Variants in SLC6A13 observed in about 807,000 individuals in gnomAD.
SLC6A13 encodes solute carrier family 6 member 13.
A neutral mutation model predicts 72.9 loss-of-function variants in SLC6A13; 69 were observed. The ratio of observed to expected loss-of-function variants is 0.95; its 90% CI spans 0.78 to 1.16. The LOEUF is 1.16. SLC6A13 is among the 50% of genes most tolerant of loss of function. The pLI is 0.00. For missense variants in SLC6A13, 735 were observed against 760.5 expected (o/e 0.97, Z 0.39); for synonymous variants, 303 against 303.0 (o/e 1.00, Z 0.00).
chr12:262,641 A>C, intron 1 of SLC6A13, 148 bp downstream of exon 1: 1 of 974,756 alleles, frequency 1.0e-6, no homozygotes, highest in Non-Finnish European at 1.2e-6. Context: ...ATAGCACATA[A>C]TCTTTGCATT....
intron 2 of SLC6A13, chr12:258,919 C>T (rs1443312488): frequency 6.1e-6 from 6 of 985,388 alleles, no homozygotes; most frequent in Non-Finnish European, 7.2e-6. Flanking sequence ...GGGAGCCTCA[C>T]CGTGCCAGCA....
rs1220925870 is a variant in SLC6A13, at chr12:221,484, G to T, written c.1578C>A (p.Tyr526Ter). 1 of 1,613,642 alleles carries T rather than the reference G, an allele frequency of 6.2e-7. No individual in the cohort carries two copies. Among genetic ancestry groups the T allele is most frequent in the Non-Finnish European group, 8.5e-7 (1 of 1,179,760 alleles). The change falls in exon 14 of 15, where the codon TAC becomes TAA. Residue 526 changes from tyrosine to a stop codon, truncating the protein, a stop_gained. Transcript: ENST00000343164. LOFTEE classifies it high-confidence loss of function. ...TPLTYNKKYT[Y>*]PWWGDALGWL... ...AGCCCAGGGCATCGCCCCACCACGG[G>T]TACGTGTACTTCTTGTTGTAGGTCA...
intron 14 of SLC6A13, 115 bp downstream of exon 14, chr12:221,261 C>G (rs1001981189): frequency 1.8e-5 from 24 of 1,309,364 alleles, no homozygotes; most frequent in Non-Finnish European, 2.5e-5. Context: ...GACACCCAGG[C>G]TGGGCCCACT....
chr12:221,471 C>T lies in SLC6A13; in HGVS notation c.1591G>A (p.Asp531Asn). The T allele has an allele frequency of 1.9e-6, 3 of 1,613,676 alleles. No individual in the cohort carries two copies. The highest frequency in any genetic ancestry group is 1.3e-5 in the African/African-American group (1 of 75,018). The change falls in exon 14 of 15, where the codon GAT becomes AAT. Residue 531 changes from aspartate (D) to asparagine (N), a missense_variant. By Grantham distance (23) the Asp-to-Asn change is conservative. Transcript: ENST00000343164. ...NKKYTYPWWG[D>N]ALGWLLALSS... ...AGAGCCAGGAGCCAGCCCAGGGCAT[C>T]GCCCCACCACGGGTACGTGTACTTC...
rs775937316 is a variant in SLC6A13 at position 238,219 on chromosome 12, C to T, written c.479-209G>A. The T allele has an allele frequency of 2.0e-6, 3 of 1,522,426 alleles. No homozygotes were observed. The South Asian group carries it at 3.6e-5, about 18-fold the overall frequency. The allele number at this position is 1,522,426 out of a possible 1,614,324, so 94.3% of individuals were successfully genotyped here. A position where few individuals can be genotyped will look rare whatever the true frequency, so the allele number is the denominator to read the frequency against. ...TCCCGCACACTTGGACATGTGGGTACATAGATGCTTGGGTATACATTCTCC... is the reference window on the plus strand; with the variant it reads ...TCCCGCACACTTGGACATGTGGGTATATAGATGCTTGGGTATACATTCTCC... On this transcript the variant is annotated intron_variant, in intron 4 of 14. Transcript: ENST00000343164.
rs567897192 is a variant in SLC6A13, at chr12:251,160, A to C, written c.203-7347T>G. Among the ~76,000 whole-genome samples the C allele has an allele frequency of 2.1e-3, 325 of 151,168 alleles. 1 individual carries two copies. The highest frequency in any genetic ancestry group is 7.5e-3 in the African/African-American group (306 of 40,664). The stretch of plus-strand genomic sequence containing the variant: ...AACAGAGCAAGACTCTGTCTCAAAA[A>C]AAAACAAAAAAAAAAAACCTTTGAA... On this transcript the variant is annotated intron_variant, in intron 2 of 14. Transcript: ENST00000343164.
At chr12:225,291 G>A (rs1006977945) in intron 9 of SLC6A13, among the ~76,000 whole-genome samples, 1 of 152,238 alleles carries the variant, frequency 6.6e-6, no homozygotes, top group African/African-American at 2.4e-5. Context: ...CCTGCCCGCA[G>A]GTTTCCGTTG....
chr12:238,581 C>G (rs75553670), intron 4 of SLC6A13, among the ~76,000 whole-genome samples: 4,462 of 152,222 alleles, frequency 0.029, 168 homozygotes, highest in African/African-American at 0.089. Context: ...AAGTGGTGCT[C>G]TTTATTATTT....
chr12:226,748 A>G, intron 8 of SLC6A13: 1 of 426,476 alleles, frequency 2.3e-6, no homozygotes, highest in Non-Finnish European at 4.2e-6. Flanking sequence ...GGTAGTCCTA[A>G]AAGAATGCGG....
chr12:238,442 G>T, intron 4 of SLC6A13: 1 of 704,234 alleles, frequency 1.4e-6, no homozygotes, highest in Non-Finnish European at 2.2e-6. Flanking sequence ...TATGAACTGT[G>T]CAGCTGTGGG....
At chr12:258,358 T>C (rs925083036) in intron 2 of SLC6A13, among the ~76,000 whole-genome samples, 1 of 152,208 alleles carries the variant, frequency 6.6e-6, no homozygotes, top group African/African-American at 2.4e-5. Context: ...CCCCTCTGTA[T>C]TGAATGCTTT....
chr12:228,155 C>T (rs897702550), intron 7 of SLC6A13, among the ~76,000 whole-genome samples: 23 of 152,020 alleles, frequency 1.5e-4, no homozygotes, highest in Admixed American at 2.6e-4. Context: ...GAGTAATTCT[C>T]GGCTCACAAA....
Position 254,548 on chromosome 12 carries a change from T to C in SLC6A13, c.202+5303A>G, listed in dbSNP as rs558080370. Among the ~76,000 whole-genome samples, 17 of 152,328 alleles carry C rather than the reference T, an allele frequency of 1.1e-4. No individual in the cohort carries two copies. The highest frequency in any genetic ancestry group is 4.1e-4 in the African/African-American group (17 of 41,580). Reference sequence around the variant, plus strand: ...CAGTTAATTTCTCCCTCCTCCCTGATAGAATTTCTTCACTCGACTTTCCAA... The same window carrying C: ...CAGTTAATTTCTCCCTCCTCCCTGACAGAATTTCTTCACTCGACTTTCCAA... On this transcript the variant is annotated intron_variant, in intron 2 of 14. Coordinates refer to ENST00000343164, the MANE Select transcript of SLC6A13 (RefSeq NM_016615.5). This position sits in a 1 kb window ranked among gnomAD's most constrained non-coding sequence, Gnocchi z 4.4.
chr12:260,166 A>C, intron 1 of SLC6A13, 109 bp from the exon 2 acceptor site: 1 of 1,190,722 alleles, frequency 8.4e-7, no homozygotes, highest in East Asian at 2.4e-5. Flanking sequence ...GGAAGAGGTG[A>C]ATTTCTATTC....
intron 4 of SLC6A13, 115 bp from the exon 5 acceptor site, chr12:238,125 C>T (rs1812080658): frequency 6.4e-7 from 1 of 1,556,536 alleles, no homozygotes; most frequent in East Asian, 2.3e-5. Flanking sequence ...TTGGCAGGAG[C>T]CAGGCTAAGG....
At chr12:226,668 G>A (rs1293825600) in intron 8 of SLC6A13, 154 bp from the exon 9 acceptor site, 1 of 898,116 alleles carries the variant, frequency 1.1e-6, no homozygotes, top group Non-Finnish European at 1.6e-6. Context: ...AGAATTCAGA[G>A]GACCACGCAA....
In SLC6A13 at chr12:226,492, G is replaced by A. The variant is rs1591824139; in HGVS notation, c.958C>T (p.Leu320Phe). Residue 320 changes from leucine to phenylalanine, a missense_variant, in exon 9 of 15, where the codon CTC becomes TTC. Physicochemically the swap from Leu to Phe is conservative, Grantham distance 22. Transcript: ENST00000343164. ...GCCACAAAGCTGGTGCCGCTGTTGA[G>A]GAAGCAGAGGGCGATGCAGTCCCTG... ...CYRDCIALCF[L>F]NSGTSFVAGF... The A allele has an allele frequency of 6.2e-7, 1 of 1,614,030 alleles. No homozygotes were observed. The highest frequency in any genetic ancestry group is 2.2e-5 in the East Asian group (1 of 44,876).
In SLC6A13 at chr12:224,131, T is replaced by C. The variant is rs1565488411; in HGVS notation, c.1174-2A>G. ...CACCAGGCTTTCTACACACACAAACTGGATGACAGGGCAAAGGGATTGGAG... is the reference window on the plus strand; with the variant it reads ...CACCAGGCTTTCTACACACACAAACCGGATGACAGGGCAAAGGGATTGGAG... On this transcript the variant is annotated splice_acceptor_variant, in intron 10 of 14. Coordinates refer to ENST00000343164, the MANE Select transcript of SLC6A13 (RefSeq NM_016615.5). LOFTEE classifies it high-confidence loss of function. 4 of 1,614,090 alleles carry C rather than the reference T, an allele frequency of 2.5e-6. No homozygotes were observed. Among genetic ancestry groups the C allele is most frequent in the Non-Finnish European group, 3.4e-6 (4 of 1,180,008 alleles).
Position 220,661 on chromosome 12 carries a change from G to A in SLC6A13, c.*287C>T, listed in dbSNP as rs1941167133. The A allele has an allele frequency of 2.5e-6, 1 of 394,478 alleles. No individual in the cohort carries two copies. The highest frequency in any genetic ancestry group is 4.2e-5 in the Admixed American group (1 of 24,076). The allele number at this position is 394,478 out of a possible 1,614,324, so 24.4% of individuals were successfully genotyped here. A position where few individuals can be genotyped will look rare whatever the true frequency, so the allele number is the denominator to read the frequency against. On this transcript the variant is annotated 3_prime_UTR_variant, in exon 15 of 15. Coordinates refer to ENST00000343164, the MANE Select transcript of SLC6A13 (RefSeq NM_016615.5). ...GTGGATTTAATGGAATGAAGGATGA[G>A]AGGGCCCGAAGCCAGCAAGTCTCGC...
Sources: gnomAD v4.1 joint callset for allele counts (sites outside exome capture counted in the v4.1 genomes callset) on GRCh38, gnomAD v4.1.1 for gene constraint, Gnocchi (gnomAD v3.1) non-coding constraint, MANE v1.5 for transcripts, NCBI Gene and HGNC (gene_info 2026-07-23, HGNC 2026-07-21) for gene names.